The following MLANA variants were observed in gnomAD, a reference collection of about 807,000 sequenced individuals.
The protein encoded by MLANA is melan-A, also known as melanoma antigen recognized by T-cells 1.
MLANA carries 21 observed loss-of-function variants against 15.7 expected under a neutral mutation model. That is an observed-to-expected ratio of 1.33 (90% CI 0.95 to 1.92). The LOEUF is 1.92. Ranked by LOEUF, MLANA falls within the 40% of genes most tolerant of loss-of-function variation. MLANA has a pLI of 0.00. For missense variants in MLANA, 164 were observed against 143.8 expected (o/e 1.14, Z -0.72); for synonymous variants, 56 against 51.5 (o/e 1.09, Z -0.37).
In MLANA at chr9:5,894,510, C is replaced by G. The variant is rs1831880726; in HGVS notation, c.77+1959C>G. Among the ~76,000 whole-genome samples, 1 of 152,158 alleles carries G rather than the reference C, an allele frequency of 6.6e-6. No individual in the cohort carries two copies. The highest frequency in any genetic ancestry group is 6.5e-5 in the Admixed American group (1 of 15,276). On this transcript the variant is annotated intron_variant, in intron 2 of 4. Transcript: ENST00000381477. This position sits in a 1 kb window ranked among gnomAD's most constrained non-coding sequence, Gnocchi z 4.0. The stretch of plus-strand genomic sequence containing the variant: ...GACGCCACAGAAATGGGACCCAGAT[C>G]TCTAAGGAGAGATTTTTGTTTGGCT...
chr9:5,904,776 CT>C (rs538770905), intron 3 of MLANA, among the ~76,000 whole-genome samples: 306 of 128,850 alleles, frequency 2.4e-3, no homozygotes, highest in East Asian at 0.015. Context: ...AGTTACACTT[CT>C]TTTTTTTTTT....
Position 5,908,716 on chromosome 9 carries a change from C to T in MLANA, c.*8C>T, listed in dbSNP as rs753392792. 9.3e-6 allele frequency: 15 copies of T among 1,610,942 alleles called. No homozygotes were observed. The African/African-American group carries it at 1.1e-4, about 11-fold the overall frequency. ...CCACCTTATTCACCTTAAGAGCCAG[C>T]GAGACACCTGAGACATGCTGAAATT... On this transcript the variant is annotated 3_prime_UTR_variant, in exon 5 of 5. Transcript: ENST00000381477.
chr9:5,897,664 T>C lies in MLANA; in HGVS notation c.174+11T>C, dbSNP rs770687618. The C allele has an allele frequency of 2.5e-6, 4 of 1,606,930 alleles. No homozygotes were observed. The highest frequency in any genetic ancestry group is 2.6e-6 in the Non-Finnish European group (3 of 1,173,516). On this transcript the variant is annotated intron_variant, in intron 3 of 4. Transcript: ENST00000381477. ...TACAGAGCCTTGATGGTTGGTAAAG[T>C]TCCCACTGCTGAAATCCCTCCAAGT... is the stretch of plus-strand genomic sequence containing the variant.
At chr9:5,904,338 T>C (rs118185738) in intron 3 of MLANA, among the ~76,000 whole-genome samples, 1 of 152,356 alleles carries the variant, frequency 6.6e-6, no homozygotes, top group Non-Finnish European at 1.5e-5. Context: ...ATATCTACCA[T>C]ATTGTTACTG....
rs553931330 is a variant in MLANA, at chr9:5,907,435, T to C, written c.288+437T>C. 5.9e-5 allele frequency among the ~76,000 whole-genome samples: 9 copies of C among 152,360 alleles called. No individual in the cohort carries two copies. The East Asian group carries it at 1.3e-3, about 23-fold the overall frequency. On this transcript the variant is annotated intron_variant, in intron 4 of 4. Coordinates refer to ENST00000381477, the MANE Select transcript of MLANA (RefSeq NM_005511.2). ...TCTGATGGCTTAGCCACTAGTCACA[T>C]GGTGCTATTGAACACTTAAAACACA...
At chr9:5,891,940 C>T (rs929877412) in intron 1 of MLANA, among the ~76,000 whole-genome samples, 8 of 152,136 alleles carry the variant, frequency 5.3e-5, no homozygotes, top group African/African-American at 1.7e-4. Context: ...TGCACCCTCG[C>T]GAGGCACAGG....
chr9:5,904,750 C>T (rs1252133717), intron 3 of MLANA, among the ~76,000 whole-genome samples: 1 of 151,796 alleles, frequency 6.6e-6, no homozygotes, highest in Non-Finnish European at 1.5e-5. Flanking sequence ...CAGGCGTGAG[C>T]CACCGCGCCC....
At chr9:5,898,380 A>T (rs1936458248) in intron 3 of MLANA, among the ~76,000 whole-genome samples, 1 of 152,178 alleles carries the variant, frequency 6.6e-6, no homozygotes, top group African/African-American at 2.4e-5. Flanking sequence ...CTACTTTTGC[A>T]ATAACAAACA....
intron 3 of MLANA, among the ~76,000 whole-genome samples, chr9:5,900,197 A>G (rs1455889263): frequency 6.6e-6 from 1 of 152,166 alleles, no homozygotes; most frequent in Non-Finnish European, 1.5e-5. Context: ...GAAAAATAAC[A>G]GAGAGTCTTA....
Position 5,907,003 on chromosome 9 carries a change from G to GT in MLANA, c.288+7dup. On this transcript the variant is annotated splice_donor_region_variant and intron_variant, in intron 4 of 4. Transcript: ENST00000381477. ...GAGAAAAACTGTGAACCTGTGGTAGGTTAAGATCCTTCATAAGGGTATTTT... is the reference window on the plus strand; with the variant it reads ...GAGAAAAACTGTGAACCTGTGGTAGGTTTAAGATCCTTCATAAGGGTATTTT... 6.4e-7 allele frequency: 1 copy of GT among 1,557,036 alleles called. No homozygotes were observed. Among genetic ancestry groups the GT allele is most frequent in the Non-Finnish European group, 8.7e-7 (1 of 1,151,210 alleles).
At chr9:5,896,955 A>C (rs1010509889) in intron 2 of MLANA, among the ~76,000 whole-genome samples, 5 of 152,238 alleles carry the variant, frequency 3.3e-5, no homozygotes, top group African/African-American at 1.2e-4. Context: ...CACGAACATA[A>C]TTGAGACGGA....
At chr9:5,892,599 G>A (rs769032468) in intron 2 of MLANA, 48 bp downstream of exon 2, 3 of 1,535,962 alleles carry the variant, frequency 2.0e-6, no homozygotes, top group South Asian at 2.3e-5. Context: ...GCCGTTTGCT[G>A]ACACAGCCTG....
intron 3 of MLANA, among the ~76,000 whole-genome samples, chr9:5,906,582 A>G (rs577482362): frequency 2.0e-5 from 3 of 152,340 alleles, no homozygotes; most frequent in Admixed American, 2.0e-4. Flanking sequence ...TTCCTTTTGT[A>G]GATTCACTCT....
chr9:5,908,592 C>T, intron 4 of MLANA, 48 bp from the exon 5 acceptor site: 1 of 1,481,620 alleles, frequency 6.7e-7, no homozygotes, highest in Non-Finnish European at 9.4e-7. Flanking sequence ...TTCCTAGAAA[C>T]ACATACACTG....
chr9:5,903,793 G>A (rs1405970968), intron 3 of MLANA, among the ~76,000 whole-genome samples: 2 of 151,946 alleles, frequency 1.3e-5, no homozygotes, highest in Non-Finnish European at 2.9e-5. Flanking sequence ...ATCTCCTTCT[G>A]AAACTAATAT....
chr9:5,907,998 T>C (rs942308757), intron 4 of MLANA, among the ~76,000 whole-genome samples: 2 of 152,156 alleles, frequency 1.3e-5, no homozygotes, highest in African/African-American at 4.8e-5. Context: ...GCTTGTACCA[T>C]ATTTCTATTG....
intron 3 of MLANA, among the ~76,000 whole-genome samples, chr9:5,903,461 T>C (rs951105706): frequency 6.6e-6 from 1 of 152,284 alleles, no homozygotes; most frequent in Non-Finnish European, 1.5e-5. Context: ...AGATAACGAA[T>C]TGTCATTTTC....
intron 4 of MLANA, 60 bp downstream of exon 4, chr9:5,907,058 TA>T: frequency 9.2e-7 from 1 of 1,089,082 alleles, no homozygotes; most frequent in Non-Finnish European, 1.3e-6. Flanking sequence ...CTCAAGTGAA[TA>T]CAATTATTTC....
chr9:5,892,445 GT>G lies in MLANA; in HGVS notation c.-25-3del. ...TTAATGATGCCCACATGCTCCTTCTGTTAGGTGTCCTGTGCCCTGACCCTAC... is the reference window on the plus strand; with the variant it reads ...TTAATGATGCCCACATGCTCCTTCTGTAGGTGTCCTGTGCCCTGACCCTAC... On this transcript the variant is annotated splice_region_variant and splice_polypyrimidine_tract_variant and intron_variant, in intron 1 of 4. Coordinates refer to ENST00000381477, the MANE Select transcript of MLANA (RefSeq NM_005511.2). 6.3e-7 allele frequency: 1 copy of G among 1,599,926 alleles called. No individual in the cohort carries two copies.
Sources: gnomAD v4.1 joint callset for allele counts (sites outside exome capture counted in the v4.1 genomes callset) on GRCh38, gnomAD v4.1.1 for gene constraint, Gnocchi (gnomAD v3.1) non-coding constraint, MANE v1.5 for transcripts, NCBI Gene and HGNC (gene_info 2026-07-23, HGNC 2026-07-21) for gene names.